PSMA5: variants seen among roughly 807,000 people sequenced by gnomAD.
The protein encoded by PSMA5 is proteasome 20S subunit alpha 5.
Under a neutral mutation model 34.5 loss-of-function variants are expected in PSMA5, and 3 were observed. The ratio of observed to expected loss-of-function variants is 0.09; its 90% CI spans 0.04 to 0.22. The LOEUF is 0.22. Ranked by LOEUF, PSMA5 falls within the 10% of genes least tolerant of loss-of-function variation. The pLI, the probability that PSMA5 is intolerant of heterozygous loss-of-function variation, is 1.00. For missense variants in PSMA5, 120 were observed against 286.1 expected (o/e 0.42, Z 4.19); for synonymous variants, 88 against 95.8 (o/e 0.92, Z 0.47).
At chr1:109,408,913 A>G (rs1285338196) in intron 8 of PSMA5, among the ~76,000 whole-genome samples, 1 of 149,394 alleles carries the variant, frequency 6.7e-6, no homozygotes, top group African/African-American at 2.5e-5. Context: ...CTGGTCTTGA[A>G]CTCCTGCCCT....
At chr1:109,415,549 A>G (rs752202204) in intron 2 of PSMA5, among the ~76,000 whole-genome samples, 186 bp from the exon 3 acceptor site, 22 of 152,194 alleles carry the variant, frequency 1.4e-4, no homozygotes, top group Non-Finnish European at 2.4e-4. Context: ...TAGCAAGAAC[A>G]TTGATTTACA....
At chr1:109,411,327 G>T (rs1413821078) in intron 6 of PSMA5, among the ~76,000 whole-genome samples, 1 of 152,144 alleles carries the variant, frequency 6.6e-6, no homozygotes, top group Non-Finnish European at 1.5e-5. Flanking sequence ...TAGGGATTTA[G>T]AAGTATAGTA....
chr1:109,414,906 T>G (rs1654131878), intron 3 of PSMA5: 1 of 197,462 alleles, frequency 5.1e-6, no homozygotes, highest in Non-Finnish European at 1.0e-5. Flanking sequence ...AAAGATAATC[T>G]GAAAACAAAG....
intron 8 of PSMA5, among the ~76,000 whole-genome samples, chr1:109,408,329 C>T (rs1178092106): frequency 6.6e-6 from 1 of 152,180 alleles, no homozygotes; most frequent in Non-Finnish European, 1.5e-5. Context: ...CATGTTGTCC[C>T]GTCTTCCTGG....
intron 2 of PSMA5, among the ~76,000 whole-genome samples, chr1:109,418,115 G>C (rs1468757602): frequency 1.3e-5 from 2 of 152,058 alleles, no homozygotes; most frequent in Non-Finnish European, 2.9e-5. Flanking sequence ...GCTGGGGGCT[G>C]AGGTGGGAGG....
rs1653960487 is a variant in PSMA5, at chr1:109,410,924, A to G, written c.561+87T>C. On this transcript the variant is annotated intron_variant, in intron 7 of 8. Transcript: ENST00000271308. The stretch of plus-strand genomic sequence containing the variant: ...CTTGTTTTGCAATTGTCAAAACAGA[A>G]CTGAACTCTTAAGGTTTGCACATTT... 7.9e-6 allele frequency: 8 copies of G among 1,007,748 alleles called. No homozygotes were observed. The South Asian group carries it at 1.0e-4, about 13-fold the overall frequency. 62.4% of individuals were successfully genotyped at this position (1,007,748 alleles called of 1,614,324 possible).
At chr1:109,419,670 G>T (rs1056763198) in intron 2 of PSMA5, among the ~76,000 whole-genome samples, 4 of 151,492 alleles carry the variant, frequency 2.6e-5, no homozygotes, top group African/African-American at 9.7e-5. Context: ...GTGGTGGCAC[G>T]CGCCTGTAAT....
chr1:109,406,084 T>G (rs1243736824), intron 8 of PSMA5, among the ~76,000 whole-genome samples: 2 of 152,184 alleles, frequency 1.3e-5, no homozygotes, highest in Non-Finnish European at 2.9e-5. Flanking sequence ...TGAAATGGTT[T>G]TTAGGAAAGA....
chr1:109,417,429 G>A (rs1173145111), intron 2 of PSMA5, among the ~76,000 whole-genome samples: 4 of 152,294 alleles, frequency 2.6e-5, no homozygotes, highest in African/African-American at 9.6e-5. Flanking sequence ...AATGAACAAG[G>A]AGCTAAAAAT....
chr1:109,413,179 A>G, intron 3 of PSMA5, 44 bp from the exon 4 acceptor site: 2 of 1,571,572 alleles, frequency 1.3e-6, no homozygotes, highest in Non-Finnish European at 1.8e-6. Context: ...AAATCCTTGT[A>G]AAACTCTTTC....
At chr1:109,408,223 C>G (rs1653859704) in intron 8 of PSMA5, among the ~76,000 whole-genome samples, 1 of 152,168 alleles carries the variant, frequency 6.6e-6, no homozygotes, top group Non-Finnish European at 1.5e-5. Context: ...TTACCGTCCC[C>G]CACCATCTTA....
At chr1:109,421,447 A>G (rs1163940938) in intron 2 of PSMA5, among the ~76,000 whole-genome samples, 1 of 150,372 alleles carries the variant, frequency 6.7e-6, no homozygotes, top group African/African-American at 2.5e-5. Context: ...TGGGCAACTG[A>G]GAGAGACTCC....
At chr1:109,422,559 G>A (rs1051971985) in intron 1 of PSMA5, among the ~76,000 whole-genome samples, 8 of 147,238 alleles carry the variant, frequency 5.4e-5, no homozygotes, top group Non-Finnish European at 1.0e-4. Flanking sequence ...TGTAACCTCC[G>A]CCTCCTGGGT....
intron 1 of PSMA5, among the ~76,000 whole-genome samples, chr1:109,422,993 G>C (rs1434382506): frequency 6.6e-6 from 1 of 152,192 alleles, no homozygotes; most frequent in Non-Finnish European, 1.5e-5. Context: ...AAGTGTGCTG[G>C]AAATCCCTAC....
chr1:109,403,339 C>T (rs923621898), intron 8 of PSMA5, among the ~76,000 whole-genome samples: 1 of 152,040 alleles, frequency 6.6e-6, no homozygotes, highest in African/African-American at 2.4e-5. Flanking sequence ...AAATTAAACA[C>T]ATGGCTGGAA....
chr1:109,405,378 A>C (rs1402051168), intron 8 of PSMA5, among the ~76,000 whole-genome samples: 1 of 152,220 alleles, frequency 6.6e-6, no homozygotes, highest in Non-Finnish European at 1.5e-5. Flanking sequence ...CAAATGACTT[A>C]AGAAGTAGTG....
At chr1:109,426,190 C>T in intron 1 of PSMA5, 112 bp downstream of exon 1, 3 of 1,434,202 alleles carry the variant, frequency 2.1e-6, no homozygotes, top group Non-Finnish European at 9.8e-7. Context: ...CCAGGTCCGG[C>T]CAGTCTCGGG....
Position 109,411,891 on chromosome 1 carries a change from C to T in PSMA5, c.444G>A (p.Glu148=), listed in dbSNP as rs142798786. 2 of 1,612,898 alleles carry T rather than the reference C, an allele frequency of 1.2e-6. No homozygotes were observed. The highest frequency in any genetic ancestry group is 1.7e-4 in the Middle Eastern group (1 of 6,056). ...ATGGTACTTACAGCTGGGGTCCTTTCTCATCAACTCCTCCAAATAATAATG... is the reference window on the plus strand; with the variant it reads ...ATGGTACTTACAGCTGGGGTCCTTTTTCATCAACTCCTCCAAATAATAATG... ...GVALLFGGVD[E]KGPQLFHMDP... is the part of the protein sequence containing the mutation. The change falls in exon 6 of 9, where the codon GAG becomes GAA. Residue 148 remains glutamate (E), a synonymous_variant. Transcript: ENST00000271308.
chr1:109,402,058 G>C lies in PSMA5; in HGVS notation c.681C>G (p.His227Gln). The change falls in exon 9 of 9, where the codon CAC becomes CAG. Residue 227 changes from histidine to glutamine, a missense_variant. Coordinates refer to ENST00000271308, the MANE Select transcript of PSMA5 (RefSeq NM_002790.4). ...CTTCAAGTTCTTCCTTTGTGAACAT[G>C]TGGAAATTCTGGCCAGGCTGCACTG... Reference protein sequence around the residue: ...LATVQPGQNFHMFTKEELEEV... With the variant: ...LATVQPGQNFQMFTKEELEEV... 6.2e-7 allele frequency: 1 copy of C among 1,612,932 alleles called. No individual in the cohort carries two copies. The highest frequency in any genetic ancestry group is 8.5e-7 in the Non-Finnish European group (1 of 1,179,454).
Sources: gnomAD v4.1 joint callset for allele counts (sites outside exome capture counted in the v4.1 genomes callset) on GRCh38, gnomAD v4.1.1 for gene constraint, MANE v1.5 for transcripts, NCBI Gene and HGNC (gene_info 2026-07-23, HGNC 2026-07-21) for gene names.